Variants in DOCK4 observed in about 807,000 individuals in gnomAD.
DOCK4 encodes the protein dedicator of cytokinesis 4.
In DOCK4, 97 loss-of-function variants were observed where a neutral mutation model predicts 268.1. The ratio of observed to expected loss-of-function variants is 0.36; its 90% CI spans 0.31 to 0.43. The LOEUF (loss-of-function observed/expected upper bound fraction) is 0.43. DOCK4 is among the 20% of genes least tolerant of loss of function. DOCK4 has a pLI of 1.00. For missense variants in DOCK4, 2,145 were observed against 2,455.7 expected (o/e 0.87, Z 2.67); for synonymous variants, 954 against 887.2 (o/e 1.08, Z -1.34).
intron 11 of DOCK4, among the ~76,000 whole-genome samples, chr7:111,938,465 A>G (rs1794916985): frequency 6.6e-6 from 1 of 152,334 alleles, no homozygotes; most frequent in Admixed American, 6.5e-5. Context: ...GAGGTAGCCA[A>G]TGGTGTGGTC....
chr7:112,100,993 G>T (rs1283968030), intron 1 of DOCK4, among the ~76,000 whole-genome samples: 1 of 152,120 alleles, frequency 6.6e-6, no homozygotes, highest in Non-Finnish European at 1.5e-5. Flanking sequence ...ACACTGAGAA[G>T]TTTATAGGAA....
At chr7:111,849,262 CT>C (rs200312873) in intron 23 of DOCK4, among the ~76,000 whole-genome samples, 27,908 of 133,168 alleles carry the variant, frequency 0.21, 2,428 homozygotes, top group Non-Finnish European at 0.25. Flanking sequence ...TTCCTAGTTA[CT>C]TTTTTTTTTT....
At chr7:111,733,634 G>T (rs1281455077) in intron 51 of DOCK4, among the ~76,000 whole-genome samples, 1 of 152,128 alleles carries the variant, frequency 6.6e-6, no homozygotes, top group Non-Finnish European at 1.5e-5. Flanking sequence ...CCACCATGGT[G>T]GCCCCTGCAA....
intron 1 of DOCK4, among the ~76,000 whole-genome samples, chr7:112,173,163 C>A (rs369046973): frequency 1.2e-4 from 18 of 152,178 alleles, no homozygotes; most frequent in East Asian, 1.2e-3. Context: ...ATTACTTTAG[C>A]GTCAGATTTT....
At chr7:112,046,677 T>C (rs61663379) in intron 1 of DOCK4, among the ~76,000 whole-genome samples, 2 of 151,954 alleles carry the variant, frequency 1.3e-5, no homozygotes, top group Non-Finnish European at 2.9e-5. Context: ...GACAACAAAC[T>C]GGATAATATA....
At chr7:111,976,897 T>A (rs1798247606) in intron 8 of DOCK4, 1 of 354,164 alleles carries the variant, frequency 2.8e-6, no homozygotes, top group Non-Finnish European at 5.1e-6. Context: ...TTCCATTTAA[T>A]ATCAATTATT....
At chr7:112,070,416 C>T (rs1563055809) in intron 1 of DOCK4, among the ~76,000 whole-genome samples, 2 of 151,740 alleles carry the variant, frequency 1.3e-5, no homozygotes, top group South Asian at 2.1e-4. Context: ...GTGGTTTTTG[C>T]CATTAAAAAA....
intron 23 of DOCK4, among the ~76,000 whole-genome samples, chr7:111,862,319 A>T (rs1231029547): frequency 6.6e-6 from 1 of 151,886 alleles, no homozygotes; most frequent in African/African-American, 2.4e-5. Flanking sequence ...AAAGCAAATA[A>T]GTGGTAATGT....
chr7:111,729,618 G>A (rs373804581), intron 52 of DOCK4, among the ~76,000 whole-genome samples: 1 of 151,966 alleles, frequency 6.6e-6, no homozygotes, highest in South Asian at 2.1e-4. Flanking sequence ...GGAAGAGAGG[G>A]AACTGGCCAA....
intron 1 of DOCK4, among the ~76,000 whole-genome samples, chr7:112,203,770 T>C (rs1414784288): frequency 6.6e-6 from 1 of 151,020 alleles, no homozygotes; most frequent in African/African-American, 2.4e-5. Flanking sequence ...CTATAAACAG[T>C]GCCCTCCATG....
chr7:111,771,238 G>A (rs1370626957), intron 36 of DOCK4, among the ~76,000 whole-genome samples: 2 of 152,320 alleles, frequency 1.3e-5, no homozygotes, highest in African/African-American at 4.8e-5. Context: ...ATGTAGTACA[G>A]GTATGAAAGA....
At chr7:112,191,454 C>T (rs1371408406) in intron 1 of DOCK4, among the ~76,000 whole-genome samples, 1 of 152,110 alleles carries the variant, frequency 6.6e-6, no homozygotes, top group African/African-American at 2.4e-5. Flanking sequence ...CCCACACCCC[C>T]ACCCACCAGC....
At chr7:111,903,089 T>C (rs1365063189) in intron 13 of DOCK4, among the ~76,000 whole-genome samples, 2 of 152,176 alleles carry the variant, frequency 1.3e-5, no homozygotes, top group Non-Finnish European at 1.5e-5. Flanking sequence ...ATGTCTACAA[T>C]TGGGAGTTTT....
intron 1 of DOCK4, among the ~76,000 whole-genome samples, chr7:112,189,749 T>TTG (rs1205873109): frequency 4.8e-4 from 60 of 124,772 alleles, no homozygotes; most frequent in African/African-American, 2.1e-3. Flanking sequence ...GGGTTTTGTT[T>TTG]TTTTTTTTTT....
chr7:111,848,501 C>T (rs1804288579), intron 23 of DOCK4, among the ~76,000 whole-genome samples: 1 of 152,198 alleles, frequency 6.6e-6, no homozygotes, highest in Non-Finnish European at 1.5e-5. Flanking sequence ...GCTTCCCACT[C>T]TTGTTTCACA....
chr7:111,978,238 A>G (rs1331998562), intron 7 of DOCK4, among the ~76,000 whole-genome samples: 1 of 152,130 alleles, frequency 6.6e-6, no homozygotes, highest in Non-Finnish European at 1.5e-5. Flanking sequence ...GATTACTGTT[A>G]TTATTATTTT....
chr7:112,105,059 C>T (rs1811016425), intron 1 of DOCK4, among the ~76,000 whole-genome samples: 1 of 152,088 alleles, frequency 6.6e-6, no homozygotes, highest in Admixed American at 6.5e-5. Flanking sequence ...AAGATACTGG[C>T]CATTGTCAGA....
At chr7:112,171,114 C>A (rs1051057234) in intron 1 of DOCK4, among the ~76,000 whole-genome samples, 12 of 152,204 alleles carry the variant, frequency 7.9e-5, no homozygotes, top group African/African-American at 2.9e-4. Context: ...CACAAACAGT[C>A]CCAACCCTTC....
At chr7:112,185,613 AAAAAG>A (rs965197490) in intron 1 of DOCK4, among the ~76,000 whole-genome samples, 31 of 152,148 alleles carry the variant, frequency 2.0e-4, no homozygotes, top group African/African-American at 6.7e-4. Flanking sequence ...TTAAAAAAAA[AAAAAG>A]AAAAGAAAAA....
Sources: gnomAD v4.1 joint callset for allele counts (sites outside exome capture counted in the v4.1 genomes callset) on GRCh38, gnomAD v4.1.1 for gene constraint, MANE v1.5 for transcripts, NCBI Gene and HGNC (gene_info 2026-07-23, HGNC 2026-07-21) for gene names.